Variants in PTPRS observed in about 807,000 individuals in gnomAD.
PTPRS encodes the protein receptor-type tyrosine-protein phosphatase S.
In PTPRS, 63 loss-of-function variants were observed where a neutral mutation model predicts 215.3. The observed-to-expected ratio is 0.29, with a 90% CI of 0.24 to 0.36. PTPRS has a LOEUF of 0.36. PTPRS is among the 10% of genes least tolerant of loss of function. The probability of loss-of-function intolerance (pLI) is 1.00; values close to 1 mark genes in which losing one functional copy is unlikely to be tolerated. For missense variants in PTPRS, 2,258 were observed against 2,825.8 expected (o/e 0.80, Z 4.56); for synonymous variants, 1,404 against 1,191.4 (o/e 1.18, Z -3.68).
intron 5 of PTPRS, 117 bp downstream of exon 5, chr19:5,264,891 G>A (rs929519119): frequency 1.6e-5 from 20 of 1,217,296 alleles, no homozygotes; most frequent in South Asian, 4.2e-5. Flanking sequence ...CGCCTGCCAC[G>A]GCCACACACT....
intron 16 of PTPRS, among the ~76,000 whole-genome samples, chr19:5,226,090 C>G (rs1338081558): frequency 6.6e-6 from 1 of 152,188 alleles, no homozygotes. Context: ...TGCTCCGCTC[C>G]CCTCACTCCT....
intron 1 of PTPRS, among the ~76,000 whole-genome samples, chr19:5,305,865 G>T (rs1299873718): frequency 7.5e-6 from 1 of 132,496 alleles, no homozygotes; most frequent in Non-Finnish European, 1.6e-5. Flanking sequence ...GCGTGAACCC[G>T]GAAGGCGGAG....
chr19:5,277,769 C>A, intron 2 of PTPRS: 2 of 717,658 alleles, frequency 2.8e-6, no homozygotes, highest in Non-Finnish European at 5.1e-6. Flanking sequence ...AGCCCAAGAT[C>A]GTCAAAAAGA....
intron 11 of PTPRS, 27 bp downstream of exon 11, chr19:5,243,874 C>G (rs1301980162): frequency 3.4e-6 from 5 of 1,452,544 alleles, no homozygotes; most frequent in Non-Finnish European, 2.7e-6. Flanking sequence ...GGCCGGGGCC[C>G]CGAGTCCTGC....
intron 9 of PTPRS, among the ~76,000 whole-genome samples, chr19:5,247,023 T>C (rs2044556933): frequency 1.3e-5 from 2 of 148,570 alleles, no homozygotes; most frequent in Admixed American, 6.7e-5. Flanking sequence ...GACGAATGAA[T>C]GGGGAGAAAG....
chr19:5,212,003 G>A lies in PTPRS; in HGVS notation c.5017C>T (p.Pro1673Ser). Residue 1673 changes from proline (P) to serine (S), a missense_variant, in exon 32 of 38, where the codon CCT becomes TCT. This residue lies in a region of PTPRS where 927 missense variants were observed against 1,125.9 expected (regional missense o/e 0.82). Transcript: ENST00000262963. ...AYIQKLAQVE[P>S]GEHVTGMELE... ...TCCATGCCAGTGACGTGTTCGCCAG[G>A]CTCCACCTGGGCCAGCTTCTGGATG... The A allele has an allele frequency of 6.2e-7, 1 of 1,612,628 alleles. No individual in the cohort carries two copies.
chr19:5,245,573 G>A (rs1195265029), intron 10 of PTPRS, among the ~76,000 whole-genome samples: 3 of 152,206 alleles, frequency 2.0e-5, no homozygotes, highest in South Asian at 2.1e-4. Context: ...GATTACAGGC[G>A]TGAATCACTG....
intron 1 of PTPRS, among the ~76,000 whole-genome samples, chr19:5,327,539 C>A (rs1206990326): frequency 6.6e-6 from 1 of 152,136 alleles, no homozygotes; most frequent in Non-Finnish European, 1.5e-5. Flanking sequence ...CTGGTGAGCT[C>A]CTCAGTAACT....
At chr19:5,227,345 C>CGA (rs2042591190) in intron 16 of PTPRS, among the ~76,000 whole-genome samples, 1 of 151,902 alleles carries the variant, frequency 6.6e-6, no homozygotes, top group Non-Finnish European at 1.5e-5. Context: ...GCCACTGTGC[C>CGA]TGGCTGAGAG....
chr19:5,326,890 G>C (rs76922960), intron 1 of PTPRS, among the ~76,000 whole-genome samples: 45 of 152,236 alleles, frequency 3.0e-4, no homozygotes, highest in Middle Eastern at 3.4e-3. Context: ...AAGCAAGCTA[G>C]CTAGTCCTTA....
chr19:5,265,277 C>A, intron 4 of PTPRS, 81 bp from the exon 5 acceptor site: 1 of 1,363,534 alleles, frequency 7.3e-7, no homozygotes, highest in Non-Finnish European at 1.0e-6. Flanking sequence ...CAGGGACTGC[C>A]TGGCCACGGG....
At position 5,246,048 on chromosome 19, in the gene PTPRS, G is replaced by A; in HGVS notation, c.719-3C>T. ...GAAGCGCGGGGCCACGCGGCGGACT[G>A]GGGAGGGGGCGGCAGTGGCGGCGGG... On this transcript the variant is annotated splice_region_variant and splice_polypyrimidine_tract_variant and intron_variant, in intron 9 of 37. Transcript: ENST00000262963. The A allele has an allele frequency of 1.4e-6, 2 of 1,474,120 alleles. No homozygotes were observed. Among genetic ancestry groups the A allele is most frequent in the Non-Finnish European group, 1.8e-6 (2 of 1,106,218 alleles). 91.3% of individuals were successfully genotyped at this position (1,474,120 alleles called of 1,614,324 possible).
rs576429660 is a variant in PTPRS at position 5,339,489 on chromosome 19, G to A, written c.-95+1175C>T. On this transcript the variant is annotated intron_variant, in intron 1 of 37. Coordinates refer to ENST00000262963, the MANE Select transcript of PTPRS (RefSeq NM_002850.4). This position sits in a 1 kb window ranked among gnomAD's most constrained non-coding sequence, Gnocchi z 4.2. ...AAAGGTTCCCTGATTTGAGGATTCT[G>A]GAGAGAAAGCGGCCGAAGGGGAGTT... 2.3e-4 allele frequency among the ~76,000 whole-genome samples: 35 copies of A among 152,082 alleles called. No homozygotes were observed. The highest frequency in any genetic ancestry group is 1.4e-3 in the Admixed American group (22 of 15,280).
intron 1 of PTPRS, among the ~76,000 whole-genome samples, chr19:5,334,473 G>A (rs1401515582): frequency 2.6e-5 from 4 of 152,208 alleles, no homozygotes; most frequent in African/African-American, 7.2e-5. Flanking sequence ...GACAGATGAG[G>A]AAGACGGAAG....
chr19:5,219,999 G>C lies in PTPRS; in HGVS notation c.3705C>G (p.Gly1235=). The change falls in exon 22 of 38, where the codon GGC becomes GGG. Residue 1235 remains glycine, a synonymous_variant. Coordinates refer to ENST00000262963, the MANE Select transcript of PTPRS (RefSeq NM_002850.4). ...GGACATAGCGGTGGCCGGGCTCCAG[G>C]CCCCGGTTATCGAAGCCGCCATACT... ...QKQYGGFDNR[G]LEPGHRYVLF... is the part of the protein sequence containing the mutation. The C allele has an allele frequency of 6.2e-7, 1 of 1,613,726 alleles. No individual in the cohort carries two copies. The highest frequency in any genetic ancestry group is 8.5e-7 in the Non-Finnish European group (1 of 1,180,016).
intron 1 of PTPRS, among the ~76,000 whole-genome samples, chr19:5,325,076 C>T (rs1344607700): frequency 6.6e-6 from 1 of 152,208 alleles, no homozygotes; most frequent in Non-Finnish European, 1.5e-5. Context: ...TTTCCCCTCC[C>T]CGACAATCAC....
chr19:5,207,689 G>A (rs1017186908), intron 37 of PTPRS, among the ~76,000 whole-genome samples: 1 of 152,152 alleles, frequency 6.6e-6, no homozygotes, highest in African/African-American at 2.4e-5. Flanking sequence ...GGACTGCAAT[G>A]AGCCCATCTC....
At chr19:5,230,002 G>A (rs2042888710) in intron 14 of PTPRS, among the ~76,000 whole-genome samples, 1 of 152,080 alleles carries the variant, frequency 6.6e-6, no homozygotes, top group African/African-American at 2.4e-5. Flanking sequence ...GCAAGATAGG[G>A]TCTCCTGTCA....
intron 1 of PTPRS, among the ~76,000 whole-genome samples, chr19:5,328,163 C>T (rs544260156): frequency 6.6e-6 from 1 of 152,092 alleles, no homozygotes; most frequent in Non-Finnish European, 1.5e-5. Flanking sequence ...ATTGCCCAGG[C>T]TGGAGTGCAA....
Sources: gnomAD v4.1 joint callset for allele counts (sites outside exome capture counted in the v4.1 genomes callset) on GRCh38, gnomAD v4.1.1 for gene constraint, gnomAD v4.1.1 regional missense constraint, Gnocchi (gnomAD v3.1) non-coding constraint, MANE v1.5 for transcripts, NCBI Gene and HGNC (gene_info 2026-07-23, HGNC 2026-07-21) for gene names.